Variants in PRKCI observed in about 807,000 individuals in gnomAD.
The protein encoded by PRKCI is protein kinase C iota, also known as protein kinase C iota type.
Under a neutral mutation model 84.0 loss-of-function variants are expected in PRKCI, and 43 were observed. The observed-to-expected ratio is 0.51, with a 90% confidence interval of 0.40 to 0.66. The LOEUF (loss-of-function observed/expected upper bound fraction) is 0.66, where lower values mean the gene tolerates loss of function less well. PRKCI is among the 30% of genes least tolerant of loss of function. The probability of loss-of-function intolerance (pLI) is 0.00; values close to 1 mark genes in which losing one functional copy is unlikely to be tolerated. For synonymous variants in PRKCI, 216 were observed against 234.4 expected (o/e 0.92, Z 0.72); for missense variants, 459 against 745.6 (o/e 0.62, Z 4.48).
intron 10 of PRKCI, 114 bp from the exon 11 acceptor site, chr3:170,281,768 C>A (rs1577367922): frequency 7.2e-7 from 1 of 1,395,112 alleles, no homozygotes; most frequent in East Asian, 2.5e-5. Context: ...ATTTTGGCAT[C>A]TTTTTAAAGG....
At chr3:170,300,286 C>T (rs1216183409) in intron 17 of PRKCI, among the ~76,000 whole-genome samples, 14 of 152,216 alleles carry the variant, frequency 9.2e-5, no homozygotes, top group Admixed American at 9.2e-4. Flanking sequence ...TTGCAGCTGT[C>T]CCCAGACCAC....
chr3:170,251,435 C>G (rs1733441041), intron 2 of PRKCI, among the ~76,000 whole-genome samples: 1 of 152,166 alleles, frequency 6.6e-6, no homozygotes. Flanking sequence ...GGATTACTAT[C>G]TCTATTGTAC....
At position 170,260,059 on chromosome 3, in the gene PRKCI, G is replaced by A; in HGVS notation, c.313+1G>A. The A allele has an allele frequency of 6.3e-7, 1 of 1,586,060 alleles. No homozygotes were observed. Among genetic ancestry groups the A allele is most frequent in the Non-Finnish European group, 8.6e-7 (1 of 1,158,072 alleles). On this transcript the variant is annotated splice_donor_variant, in intron 3 of 17. Transcript: ENST00000295797. LOFTEE classifies it high-confidence loss of function. ...AAGGATTCTGAACTCTTGATTCATG[G>A]TAAGAGAGTAGTCATTTCATACTCG...
At chr3:170,293,629 G>A in intron 14 of PRKCI, 121 bp downstream of exon 14, 2 of 1,134,266 alleles carry the variant, frequency 1.8e-6, no homozygotes, top group Non-Finnish European at 1.2e-6. Context: ...ATATAATCCT[G>A]ACTGGTGGTA....
intron 2 of PRKCI, among the ~76,000 whole-genome samples, chr3:170,237,142 A>G (rs1733000370): frequency 6.6e-6 from 1 of 152,222 alleles, no homozygotes; most frequent in South Asian, 2.1e-4. Context: ...GAAGAAGAAT[A>G]TGTAGAAAGG....
intron 1 of PRKCI, among the ~76,000 whole-genome samples, chr3:170,225,921 TA>T (rs1315620125): frequency 5.3e-5 from 8 of 152,028 alleles, no homozygotes; most frequent in Admixed American, 3.3e-4. Context: ...TTTATTTATT[TA>T]TTTTTTTGGA....
intron 4 of PRKCI, 90 bp downstream of exon 4, chr3:170,263,519 G>T (rs1733784594): frequency 1.7e-6 from 2 of 1,160,748 alleles, no homozygotes; most frequent in East Asian, 2.4e-5. Flanking sequence ...TTTTAGCTAG[G>T]TGCAGTGGAC....
At chr3:170,294,245 G>A (rs1734640920) in intron 14 of PRKCI, among the ~76,000 whole-genome samples, 1 of 152,066 alleles carries the variant, frequency 6.6e-6, no homozygotes. Flanking sequence ...GGGGAAAAAA[G>A]GCCCCACATC....
At chr3:170,273,073 T>A (rs1165109818) in intron 6 of PRKCI, among the ~76,000 whole-genome samples, 1 of 152,214 alleles carries the variant, frequency 6.6e-6, no homozygotes, top group Non-Finnish European at 1.5e-5. Context: ...CTGAAATTAG[T>A]TTTGTATTTT....
intron 8 of PRKCI, among the ~76,000 whole-genome samples, chr3:170,276,246 T>C (rs1314948406): frequency 1.3e-5 from 2 of 152,060 alleles, no homozygotes; most frequent in African/African-American, 4.8e-5. Flanking sequence ...GCCAAAACTT[T>C]GAAACATAAA....
chr3:170,235,194 A>G, intron 1 of PRKCI, 36 bp from the exon 2 acceptor site: 1 of 1,595,024 alleles, frequency 6.3e-7, no homozygotes, highest in South Asian at 1.1e-5. Flanking sequence ...ATTATTTTTA[A>G]TCATTTTCAA....
At chr3:170,262,887 G>A (rs113794810) in intron 3 of PRKCI, among the ~76,000 whole-genome samples, 11,854 of 118,506 alleles carry the variant, frequency 0.1, 1,146 homozygotes, top group African/African-American at 0.28. Context: ...ACCTTCTTTT[G>A]TGGCCGGGCG....
chr3:170,239,815 C>G (rs1161634321), intron 2 of PRKCI, among the ~76,000 whole-genome samples: 1 of 151,124 alleles, frequency 6.6e-6, no homozygotes, highest in Non-Finnish European at 1.5e-5. Flanking sequence ...CATGTTGGAG[C>G]TGCAGTGCCT....
intron 12 of PRKCI, among the ~76,000 whole-genome samples, chr3:170,287,868 C>T (rs751948937): frequency 8.5e-5 from 12 of 141,516 alleles, no homozygotes; most frequent in Non-Finnish European, 1.5e-4. Flanking sequence ...GAGATTGTGC[C>T]ACTGCACTCC....
At chr3:170,275,192 T>A in intron 7 of PRKCI, 37 bp from the exon 8 acceptor site, 1 of 1,443,144 alleles carries the variant, frequency 6.9e-7, no homozygotes, top group Non-Finnish European at 9.1e-7. Context: ...TGCACCTTTT[T>A]TTTTTTTTTT....
At chr3:170,293,558 G>A (rs550902506) in intron 14 of PRKCI, 50 bp downstream of exon 14, 67 of 1,568,716 alleles carry the variant, frequency 4.3e-5, no homozygotes, top group Middle Eastern at 3.4e-4. Flanking sequence ...CTATTCTAGA[G>A]TACAAATGAG....
intron 1 of PRKCI, among the ~76,000 whole-genome samples, chr3:170,230,053 T>C (rs1241220953): frequency 1.3e-5 from 2 of 152,222 alleles, no homozygotes; most frequent in African/African-American, 4.8e-5. Flanking sequence ...TTTTCGTTTT[T>C]ATGTCATCAA....
intron 17 of PRKCI, among the ~76,000 whole-genome samples, chr3:170,299,786 C>T (rs1293959250): frequency 6.6e-6 from 1 of 152,204 alleles, no homozygotes; most frequent in Non-Finnish European, 1.5e-5. Flanking sequence ...GGCCTGTGCT[C>T]TTTCTACCAC....
intron 2 of PRKCI, among the ~76,000 whole-genome samples, chr3:170,251,024 C>CA (rs1197031952): frequency 6.6e-6 from 1 of 151,962 alleles, no homozygotes; most frequent in African/African-American, 2.4e-5. Flanking sequence ...TGAAAATACT[C>CA]AATCAGAAAG....
Sources: allele counts gnomAD v4.1 joint callset (sites outside exome capture counted in the v4.1 genomes callset), GRCh38; gene constraint gnomAD v4.1.1; transcripts MANE v1.5; gene names NCBI Gene and HGNC (gene_info 2026-07-23, HGNC 2026-07-21).